The following KCNT2 variants were observed in gnomAD, a reference collection of about 807,000 sequenced individuals.
KCNT2 encodes potassium channel subfamily T member 2.
Under a neutral mutation model 153.8 loss-of-function variants are expected in KCNT2, and 67 were observed. That is an observed-to-expected ratio of 0.44 (90% CI 0.36 to 0.53). KCNT2 has a LOEUF of 0.53. Among genes scored for constraint, KCNT2 ranks in the 20% least tolerant of loss-of-function variants. KCNT2 has a pLI of 0.00. For missense variants in KCNT2, 975 were observed against 1,354.8 expected, an observed-to-expected ratio of 0.72 and a Z score of 4.40; for synonymous variants, 500 against 458.8, an observed-to-expected ratio of 1.09 and a Z score of -1.15.
intron 19 of KCNT2, among the ~76,000 whole-genome samples, 190 bp downstream of exon 19, chr1:196,326,527 A>G (rs1177692747): frequency 6.6e-6 from 1 of 152,104 alleles, no homozygotes; most frequent in Non-Finnish European, 1.5e-5. Flanking sequence ...TTTAAGTAGT[A>G]TTTATGAATA....
intron 25 of KCNT2, among the ~76,000 whole-genome samples, chr1:196,260,536 C>CT (rs1209077825): frequency 2.6e-5 from 4 of 151,546 alleles, no homozygotes; most frequent in South Asian, 2.1e-4. Flanking sequence ...AGAATCTCAT[C>CT]TTTTTTTTCA....
At chr1:196,447,312 ATTTC>A (rs921169202) in intron 8 of KCNT2, among the ~76,000 whole-genome samples, 1 of 151,674 alleles carries the variant, frequency 6.6e-6, no homozygotes, top group Non-Finnish European at 1.5e-5. Flanking sequence ...GTCAAGAAAG[ATTTC>A]TTTAAGTATT....
intron 21 of KCNT2, among the ~76,000 whole-genome samples, chr1:196,309,151 G>A (rs140552872): frequency 1.3e-5 from 2 of 152,058 alleles, no homozygotes; most frequent in East Asian, 3.9e-4. Flanking sequence ...AGAACATTTA[G>A]GACAGTGTTG....
chr1:196,419,328 C>A (rs1673006614), intron 12 of KCNT2, among the ~76,000 whole-genome samples: 1 of 82,770 alleles, frequency 1.2e-5, no homozygotes, highest in Admixed American at 1.5e-4. Context: ...CCTCCCCCCT[C>A]CCCCCTCCCC....
intron 25 of KCNT2, among the ~76,000 whole-genome samples, chr1:196,260,355 T>C (rs1656893439): frequency 6.6e-6 from 1 of 151,848 alleles, no homozygotes; most frequent in Non-Finnish European, 1.5e-5. Context: ...GAAACACTGA[T>C]TTTGTGAATG....
intron 12 of KCNT2, among the ~76,000 whole-genome samples, chr1:196,418,611 C>A (rs12069983): frequency 0.27 from 41,142 of 151,878 alleles, 5,971 homozygotes; most frequent in East Asian, 0.33. Flanking sequence ...TGACATTGGC[C>A]TCTTTACCTG....
chr1:196,485,608 T>C (rs1481396481), intron 3 of KCNT2, among the ~76,000 whole-genome samples: 1 of 151,878 alleles, frequency 6.6e-6, no homozygotes, highest in East Asian at 1.9e-4. Flanking sequence ...CAGTCTAGAC[T>C]ATGTCTTGTG....
At chr1:196,515,091 G>A (rs990688966) in intron 1 of KCNT2, among the ~76,000 whole-genome samples, 4 of 152,166 alleles carry the variant, frequency 2.6e-5, no homozygotes, top group Admixed American at 6.6e-5. Context: ...GAAACTTTTA[G>A]GTCCTGGCTC....
At chr1:196,387,424 G>A (rs750642116) in intron 13 of KCNT2, among the ~76,000 whole-genome samples, 31 of 151,796 alleles carry the variant, frequency 2.0e-4, no homozygotes, top group South Asian at 8.3e-4. Flanking sequence ...ATGTCCCTTT[G>A]CCAAAATTCA....
chr1:196,276,922 G>A (rs1322349054), intron 25 of KCNT2, among the ~76,000 whole-genome samples: 1 of 151,974 alleles, frequency 6.6e-6, no homozygotes, highest in African/African-American at 2.4e-5. Context: ...TTCCTTCAGT[G>A]TTTTGAAAAT....
chr1:196,279,032 A>G (rs1354743012), intron 25 of KCNT2, among the ~76,000 whole-genome samples: 1 of 152,156 alleles, frequency 6.6e-6, no homozygotes, highest in East Asian at 1.9e-4. Flanking sequence ...GGCAACAGAC[A>G]CGTAATCAAC....
intron 12 of KCNT2, among the ~76,000 whole-genome samples, chr1:196,421,934 C>T (rs1018369300): frequency 3.3e-5 from 5 of 152,108 alleles, no homozygotes; most frequent in African/African-American, 1.2e-4. Context: ...CAAATTTTCT[C>T]TTTTTATAAG....
At chr1:196,300,844 A>G (rs146861501) in intron 22 of KCNT2, among the ~76,000 whole-genome samples, 117 of 152,198 alleles carry the variant, frequency 7.7e-4, no homozygotes, top group Admixed American at 2.7e-3. Flanking sequence ...TTTCTCCCCT[A>G]TTGGAGCTCA....
intron 1 of KCNT2, among the ~76,000 whole-genome samples, chr1:196,585,715 G>A (rs547415102): frequency 6.6e-6 from 1 of 152,180 alleles, no homozygotes; most frequent in South Asian, 2.1e-4. Flanking sequence ...AAAAGAAAAG[G>A]ACATTCACTC....
intron 22 of KCNT2, 115 bp from the exon 23 acceptor site, chr1:196,285,873 T>C (rs752827993): frequency 1.2e-5 from 8 of 649,334 alleles, no homozygotes; most frequent in Middle Eastern, 2.5e-4. Context: ...TTCTTAGCTA[T>C]AAATGTGTCA....
At chr1:196,302,514 G>A (rs1383734055) in intron 22 of KCNT2, among the ~76,000 whole-genome samples, 1 of 152,156 alleles carries the variant, frequency 6.6e-6, no homozygotes, top group African/African-American at 2.4e-5. Flanking sequence ...GTAAATGAAA[G>A]ATCTGTTCCA....
At chr1:196,467,044 C>T (rs1256874610) in intron 7 of KCNT2, among the ~76,000 whole-genome samples, 3 of 152,034 alleles carry the variant, frequency 2.0e-5, no homozygotes, top group Non-Finnish European at 2.9e-5. Context: ...GGGCTTCTGG[C>T]TCCCACATAG....
At chr1:196,329,667 G>T (rs1664245005) in intron 18 of KCNT2, among the ~76,000 whole-genome samples, 1 of 150,732 alleles carries the variant, frequency 6.6e-6, no homozygotes, top group Admixed American at 6.7e-5. Flanking sequence ...AGTCAATGTG[G>T]GGGAAGGGCC....
chr1:196,342,426 A>ATATATATATATATATATATATG (rs1319011791), intron 14 of KCNT2, among the ~76,000 whole-genome samples, 198 bp from the exon 15 acceptor site: 5 of 115,462 alleles, frequency 4.3e-5, no homozygotes, highest in South Asian at 2.7e-4. Flanking sequence ...AATACTATAT[A>ATATATATATATATATATATATG]TATATATATA....
Sources: allele counts gnomAD v4.1 joint callset (sites outside exome capture counted in the v4.1 genomes callset), GRCh38; gene constraint gnomAD v4.1.1; transcripts MANE v1.5; gene names NCBI Gene and HGNC (gene_info 2026-07-23, HGNC 2026-07-21).